EXOC6B: variants seen among roughly 807,000 people sequenced by gnomAD.
The protein encoded by EXOC6B is exocyst complex component 6B, also known as SEC15 homolog B.
Under a neutral mutation model 113.5 loss-of-function variants are expected in EXOC6B, and 54 were observed. That is an observed-to-expected ratio of 0.48 (90% CI 0.38 to 0.60). EXOC6B has a LOEUF of 0.60. EXOC6B is among the 20% of genes least tolerant of loss of function. The pLI, the probability that EXOC6B is intolerant of heterozygous loss-of-function variation, is 0.00. For synonymous variants in EXOC6B, 357 were observed against 339.0 expected (o/e 1.05, Z -0.58); for missense variants, 797 against 977.5 (o/e 0.82, Z 2.46).
At chr2:72,443,153 C>G (rs1696324636) in intron 18 of EXOC6B, among the ~76,000 whole-genome samples, 1 of 151,708 alleles carries the variant, frequency 6.6e-6, no homozygotes, top group Admixed American at 6.6e-5. Flanking sequence ...GATGAAACCC[C>G]ATCTCTACTA....
chr2:72,460,888 G>A (rs1336233262), intron 18 of EXOC6B, among the ~76,000 whole-genome samples: 1 of 151,266 alleles, frequency 6.6e-6, no homozygotes, highest in Non-Finnish European at 1.5e-5. Context: ...AAATCATGCT[G>A]CTATAAAGAC....
intron 18 of EXOC6B, among the ~76,000 whole-genome samples, chr2:72,386,169 T>A (rs139124276): frequency 1.3e-5 from 2 of 150,638 alleles, no homozygotes; most frequent in African/African-American, 2.4e-5. Context: ...CACACACACA[T>A]ACATACATAC....
chr2:72,423,756 CAT>C (rs1374023013), intron 18 of EXOC6B, among the ~76,000 whole-genome samples: 1 of 152,060 alleles, frequency 6.6e-6, no homozygotes, highest in Non-Finnish European at 1.5e-5. Flanking sequence ...CACGTGCACA[CAT>C]ACATACACAC....
intron 5 of EXOC6B, 22 bp from the exon 6 acceptor site, chr2:72,718,329 T>G: frequency 6.2e-7 from 1 of 1,600,504 alleles, no homozygotes; most frequent in Non-Finnish European, 8.5e-7. Flanking sequence ...ATTGATCACC[T>G]TTAGCTCACT....
intron 19 of EXOC6B, among the ~76,000 whole-genome samples, chr2:72,377,658 G>T (rs1691435887): frequency 6.6e-6 from 1 of 152,144 alleles, no homozygotes; most frequent in South Asian, 2.1e-4. Context: ...TACAAAAGTT[G>T]AACTCATAGA....
At chr2:72,415,748 A>G (rs1694482689) in intron 18 of EXOC6B, among the ~76,000 whole-genome samples, 1 of 152,176 alleles carries the variant, frequency 6.6e-6, no homozygotes, top group Non-Finnish European at 1.5e-5. Context: ...CCTCATCACA[A>G]AGCGATTATG....
At chr2:72,626,883 C>A (rs1384966484) in intron 6 of EXOC6B, among the ~76,000 whole-genome samples, 1 of 152,030 alleles carries the variant, frequency 6.6e-6, no homozygotes, top group Non-Finnish European at 1.5e-5. Flanking sequence ...ATGCTGTGGG[C>A]TAAAGATTGA....
At chr2:72,377,922 T>G (rs1227127472) in intron 19 of EXOC6B, among the ~76,000 whole-genome samples, 1 of 151,366 alleles carries the variant, frequency 6.6e-6, no homozygotes, top group Non-Finnish European at 1.5e-5. Context: ...GAAGTATACA[T>G]ATTTCAAAAC....
At chr2:72,227,605 T>C (rs1681326893) in intron 20 of EXOC6B, among the ~76,000 whole-genome samples, 2 of 152,206 alleles carry the variant, frequency 1.3e-5, no homozygotes, top group Admixed American at 1.3e-4. Context: ...ACTGATATGT[T>C]TTATCCACTG....
chr2:72,768,606 A>T (rs2104936147), intron 1 of EXOC6B, among the ~76,000 whole-genome samples: 1 of 116,636 alleles, frequency 8.6e-6, no homozygotes, highest in South Asian at 4.6e-4. Flanking sequence ...TGCCCGGCCT[A>T]AGCTTTTTTT....
intron 20 of EXOC6B, among the ~76,000 whole-genome samples, chr2:72,247,416 C>T (rs1406784317): frequency 1.3e-5 from 2 of 152,054 alleles, no homozygotes; most frequent in South Asian, 2.1e-4. Context: ...AGGCTACTGC[C>T]CAAGAGAAAA....
intron 1 of EXOC6B, among the ~76,000 whole-genome samples, chr2:72,800,754 C>G (rs1179701170): frequency 1.3e-5 from 2 of 152,144 alleles, no homozygotes; most frequent in Non-Finnish European, 2.9e-5. Context: ...GGACTCTTAA[C>G]TACTACACCA....
intron 16 of EXOC6B, among the ~76,000 whole-genome samples, chr2:72,485,725 G>A (rs1699391385): frequency 6.6e-6 from 1 of 152,186 alleles, no homozygotes; most frequent in South Asian, 2.1e-4. Context: ...AGAGAGGGGA[G>A]ATAAATGGAA....
At chr2:72,508,975 CA>C (rs1233286408) in intron 11 of EXOC6B, among the ~76,000 whole-genome samples, 1 of 151,376 alleles carries the variant, frequency 6.6e-6, no homozygotes, top group Non-Finnish European at 1.5e-5. Context: ...GAGAGATGGA[CA>C]GACTGTTGTT....
chr2:72,667,131 G>A (rs1675455096), intron 6 of EXOC6B, among the ~76,000 whole-genome samples: 1 of 152,106 alleles, frequency 6.6e-6, no homozygotes, highest in African/African-American at 2.4e-5. Context: ...CCAAAGTGAT[G>A]GGATTACAGG....
chr2:72,543,020 T>C (rs1383774786), intron 8 of EXOC6B, among the ~76,000 whole-genome samples: 1 of 152,064 alleles, frequency 6.6e-6, no homozygotes, highest in African/African-American at 2.4e-5. Flanking sequence ...ATCTCAGTAA[T>C]GGAAGAAATT....
intron 18 of EXOC6B, among the ~76,000 whole-genome samples, chr2:72,421,568 C>T (rs934810187): frequency 6.6e-6 from 1 of 152,216 alleles, no homozygotes; most frequent in Non-Finnish European, 1.5e-5. Flanking sequence ...TATTTGATGA[C>T]ACTGTGTAGT....
intron 18 of EXOC6B, among the ~76,000 whole-genome samples, chr2:72,460,544 G>A (rs1315340881): frequency 1.3e-5 from 2 of 152,090 alleles, no homozygotes; most frequent in Non-Finnish European, 2.9e-5. Flanking sequence ...AAAAGTGGGT[G>A]AAAGACATGA....
intron 20 of EXOC6B, among the ~76,000 whole-genome samples, chr2:72,315,006 C>A (rs1687428721): frequency 6.6e-6 from 1 of 152,108 alleles, no homozygotes; most frequent in Non-Finnish European, 1.5e-5. Flanking sequence ...CAAGATGATA[C>A]ATTCTTCAGA....
Sources: allele counts gnomAD v4.1 joint callset (sites outside exome capture counted in the v4.1 genomes callset), GRCh38; gene constraint gnomAD v4.1.1; transcripts MANE v1.5; gene names NCBI Gene and HGNC (gene_info 2026-07-23, HGNC 2026-07-21).